ASTN1: variants seen among roughly 807,000 people sequenced by gnomAD.
The protein encoded by ASTN1 is astrotactin-1.
ASTN1 carries 41 observed loss-of-function variants against 140.7 expected under a neutral mutation model. The observed-to-expected ratio is 0.29, with a 90% CI of 0.23 to 0.38. The LOEUF (loss-of-function observed/expected upper bound fraction) is 0.38, where lower values mean the gene tolerates loss of function less well. ASTN1 is among the 10% of genes least tolerant of loss of function. The pLI, the probability that ASTN1 is intolerant of heterozygous loss-of-function variation, is 1.00. For missense variants in ASTN1, 1,479 were observed against 1,678.8 expected (o/e 0.88, Z 2.08); for synonymous variants, 640 against 652.2 (o/e 0.98, Z 0.29).
intron 1 of ASTN1, among the ~76,000 whole-genome samples, chr1:177,136,129 T>A (rs1183392647): frequency 1.3e-5 from 2 of 152,184 alleles, no homozygotes; most frequent in Non-Finnish European, 2.9e-5. Context: ...ATTTGCTCTT[T>A]GTTTTCACTC....
At chr1:176,988,253 A>C (rs1673995061) in intron 8 of ASTN1, among the ~76,000 whole-genome samples, 1 of 151,814 alleles carries the variant, frequency 6.6e-6, no homozygotes, top group Admixed American at 6.6e-5. Flanking sequence ...TGTCTACTAA[A>C]GAAGGGAACA....
At chr1:176,967,190 G>C (rs1308632234) in intron 8 of ASTN1, among the ~76,000 whole-genome samples, 3 of 152,112 alleles carry the variant, frequency 2.0e-5, no homozygotes, top group African/African-American at 4.8e-5. Context: ...GCTCCATAAA[G>C]TATCCAAACA....
At chr1:176,887,062 T>C (rs1429554659) in intron 18 of ASTN1, among the ~76,000 whole-genome samples, 2 of 152,174 alleles carry the variant, frequency 1.3e-5, no homozygotes, top group African/African-American at 4.8e-5. Flanking sequence ...TTTGTAGCAC[T>C]TCATCCTCTT....
intron 16 of ASTN1, among the ~76,000 whole-genome samples, chr1:176,929,705 A>G (rs1445034189): frequency 6.6e-6 from 1 of 152,202 alleles, no homozygotes; most frequent in Non-Finnish European, 1.5e-5. Context: ...ATGTCATTAG[A>G]TAGCATTTAA....
intron 1 of ASTN1, among the ~76,000 whole-genome samples, chr1:177,104,464 CAT>C (rs1310928675): frequency 6.6e-6 from 1 of 152,050 alleles, no homozygotes; most frequent in African/African-American, 2.4e-5. Context: ...AAAACAAAGT[CAT>C]GTTTTATTGG....
At chr1:177,135,835 TG>T in intron 1 of ASTN1, among the ~76,000 whole-genome samples, 2 of 152,292 alleles carry the variant, frequency 1.3e-5, no homozygotes, top group Middle Eastern at 6.8e-3. Flanking sequence ...GTTAGAAATG[TG>T]GCTTCTTGGT....
Position 176,864,296 on chromosome 1 carries a change from G to T in ASTN1, c.3873C>A (p.Ser1291Arg), listed in dbSNP as rs971531077. 49 of 1,613,834 alleles carry T rather than the reference G, an allele frequency of 3.0e-5. No individual in the cohort carries two copies. The highest frequency in any genetic ancestry group is 4.0e-5 in the Non-Finnish European group (47 of 1,180,004). Reference protein sequence around the residue: ...LSIPYNDYGDSKEI With the variant: ...LSIPYNDYGDRKEI ...TGGCCTTATGGTGCTAGATCTCTTTGCTGTCCCCATAGTCGTTGTAGGGGA... is the reference window on the plus strand; with the variant it reads ...TGGCCTTATGGTGCTAGATCTCTTTTCTGTCCCCATAGTCGTTGTAGGGGA... Residue 1291 changes from serine to arginine, a missense_variant, in exon 23 of 23, where the codon AGC (serine) becomes AGA (arginine). Ser to Arg is a moderately radical substitution (Grantham distance 110, BLOSUM62 -1). Around this residue, in one of 3 missense-constraint regions of ASTN1, gnomAD observed 746 missense variants for 800.9 expected, o/e 0.93. Transcript: ENST00000361833.
chr1:176,949,292 C>T lies in ASTN1; in HGVS notation c.1947G>A (p.Gly649=). The change falls in exon 12 of 23, where the codon GGG becomes GGA. Residue 649 remains glycine, a synonymous_variant. Coordinates refer to ENST00000361833, the MANE Select transcript of ASTN1 (RefSeq NM_004319.3). The part of the protein sequence containing the change: ...DSSGCYDRHI[G]VDCSDGFNGG... Reference sequence around the variant, plus strand: ...CGTTGAAGCCGTCGGAACAGTCCACCCCGATGTGGCGGTCATAGCAGCCAG... The same window carrying T: ...CGTTGAAGCCGTCGGAACAGTCCACTCCGATGTGGCGGTCATAGCAGCCAG... 6.2e-7 allele frequency: 1 copy of T among 1,614,120 alleles called. No individual in the cohort carries two copies. Among genetic ancestry groups the T allele is most frequent in the South Asian group, 1.1e-5 (1 of 91,090 alleles).
rs189143723 is a variant in ASTN1 at position 177,007,211 on chromosome 1, T to C, written c.1523+7580A>G. On this transcript the variant is annotated intron_variant, in intron 8 of 22. Coordinates refer to ENST00000361833, the MANE Select transcript of ASTN1 (RefSeq NM_004319.3). ...GAGTTTAAGACCAGCCTGACCAACA[T>C]GGAGAAACCCTGTCTCTACTAAAAA... Among the ~76,000 whole-genome samples the C allele has an allele frequency of 1.7e-3, 264 of 152,134 alleles. 1 individual carries two copies. The highest frequency in any genetic ancestry group is 6.2e-3 in the African/African-American group (257 of 41,504).
downstream of ASTN1, among the ~76,000 whole-genome samples, chr1:176,860,112 G>A (rs757657814): frequency 2.2e-4 from 33 of 152,144 alleles, no homozygotes; most frequent in Admixed American, 5.9e-4. Context: ...TCAGAGCTCC[G>A]AGAGCAAGAG....
Position 176,939,124 on chromosome 1 carries a change from AG to A in ASTN1, c.2378-2755del, listed in dbSNP as rs200158879. 5.5e-4 allele frequency among the ~76,000 whole-genome samples: 84 copies of A among 151,962 alleles called. 1 individual carries two copies. Among genetic ancestry groups the A allele is most frequent in the African/African-American group, 2.0e-3 (83 of 41,368 alleles). On this transcript the variant is annotated intron_variant, in intron 14 of 22. Coordinates refer to ENST00000361833, the MANE Select transcript of ASTN1 (RefSeq NM_004319.3). ...AGGACACCATCTCAAAAAAAAAAAA[AG>A]AAAGTTCTTTGAGAAAAGAGAAAGT...
chr1:176,949,470 G>C, intron 11 of ASTN1, 119 bp from the exon 12 acceptor site: 2 of 1,126,246 alleles, frequency 1.8e-6, no homozygotes, highest in Non-Finnish European at 1.2e-6. Context: ...ATTAACATTC[G>C]CAAGTAATCC....
chr1:177,129,093 T>G (rs552145343), intron 1 of ASTN1, among the ~76,000 whole-genome samples: 6 of 152,206 alleles, frequency 3.9e-5, no homozygotes, highest in Non-Finnish European at 5.9e-5. Flanking sequence ...GACTGATAGA[T>G]GAAAGAAACC....
At chr1:176,872,300 T>A (rs1668382364) in intron 21 of ASTN1, among the ~76,000 whole-genome samples, 1 of 152,104 alleles carries the variant, frequency 6.6e-6, no homozygotes, top group Non-Finnish European at 1.5e-5. Flanking sequence ...TGCCTGACAG[T>A]TTTCTATGTA....
chr1:177,117,926 G>C (rs1313378560), intron 1 of ASTN1, among the ~76,000 whole-genome samples: 1 of 152,100 alleles, frequency 6.6e-6, no homozygotes, highest in Non-Finnish European at 1.5e-5. Context: ...TTCTTTGCCT[G>C]TTTATGACAT....
chr1:177,008,182 GTTTT>G (rs745979110), intron 8 of ASTN1, among the ~76,000 whole-genome samples: 1 of 152,090 alleles, frequency 6.6e-6, no homozygotes, highest in Non-Finnish European at 1.5e-5. Context: ...CCAAGGAAGG[GTTTT>G]TTTGTTTTTT....
intron 4 of ASTN1, 135 bp from the exon 5 acceptor site, chr1:177,029,876 G>A: frequency 1.2e-6 from 1 of 823,588 alleles, no homozygotes; most frequent in South Asian, 1.7e-5. Flanking sequence ...AATAGCCAAG[G>A]GGGTTGGGGC....
At chr1:177,030,993 G>C in intron 3 of ASTN1, 41 bp from the exon 4 acceptor site, 1 of 1,579,956 alleles carries the variant, frequency 6.3e-7, no homozygotes. Flanking sequence ...TAAGAGAAAA[G>C]ACCAAAAGAA....
intron 1 of ASTN1, among the ~76,000 whole-genome samples, chr1:177,109,353 T>C (rs1057270119): frequency 7.9e-5 from 12 of 152,080 alleles, no homozygotes; most frequent in Admixed American, 7.2e-4. Context: ...TTGTGATAAA[T>C]TGTTAGAAGA....
Sources: gnomAD v4.1 joint callset for allele counts (sites outside exome capture counted in the v4.1 genomes callset) on GRCh38, gnomAD v4.1.1 for gene constraint, gnomAD v4.1.1 regional missense constraint, MANE v1.5 for transcripts, NCBI Gene and HGNC (gene_info 2026-07-23, HGNC 2026-07-21) for gene names.